FOXP2: variants seen among roughly 807,000 people sequenced by gnomAD.
FOXP2 encodes forkhead box protein P2.
In FOXP2, 12 loss-of-function variants were observed where a neutral mutation model predicts 115.8. The ratio of observed to expected loss-of-function variants is 0.10; its 90% CI spans 0.07 to 0.17. The LOEUF (loss-of-function observed/expected upper bound fraction) is 0.17. FOXP2 is among the 10% of genes least tolerant of loss of function. The pLI is 1.00. For synonymous variants in FOXP2, 328 were observed against 297.7 expected (o/e 1.10, Z -1.05); for missense variants, 629 against 843.5 (o/e 0.75, Z 3.15).
At chr7:114,299,173 T>G (rs1026721170) in intron 2 of FOXP2, among the ~76,000 whole-genome samples, 6 of 152,120 alleles carry the variant, frequency 3.9e-5, no homozygotes, top group Non-Finnish European at 8.8e-5. Context: ...CTATACAATA[T>G]ATCATTCAAG....
chr7:114,373,968 T>C (rs1456141201), intron 2 of FOXP2, among the ~76,000 whole-genome samples: 1 of 152,224 alleles, frequency 6.6e-6, no homozygotes, highest in Non-Finnish European at 1.5e-5. Flanking sequence ...TGTTATCTCC[T>C]CTGATCTTCC....
intron 2 of FOXP2, among the ~76,000 whole-genome samples, chr7:114,397,973 G>GC (rs1402644641): frequency 6.6e-6 from 1 of 152,052 alleles, no homozygotes; most frequent in African/African-American, 2.4e-5. Flanking sequence ...GAGAGAAATC[G>GC]AAGATTAAGT....
chr7:114,229,188 A>G (rs893530950), intron 1 of FOXP2, among the ~76,000 whole-genome samples: 2 of 151,046 alleles, frequency 1.3e-5, no homozygotes, highest in African/African-American at 2.4e-5. Flanking sequence ...TAAATTCATC[A>G]TGAAGATATA....
intron 9 of FOXP2, 150 bp downstream of exon 9, chr7:114,652,440 C>A: frequency 1.4e-6 from 1 of 723,544 alleles, no homozygotes; most frequent in Non-Finnish European, 2.4e-6. Context: ...TTGTTTTAAA[C>A]AGTGGCAATT....
rs1361678262 is a variant in FOXP2 at position 114,661,027 on chromosome 7, A to C, written c.1648-1038A>C. 2.7e-5 allele frequency among the ~76,000 whole-genome samples: 4 copies of C among 149,890 alleles called. No homozygotes were observed. In the East Asian group the frequency reaches 7.9e-4, roughly 29 times the overall value. The stretch of plus-strand genomic sequence containing the variant: ...AAGATCAATCAAATCCTTGGATTTC[A>C]GGTCAGATGCTAGATCTGCTTATGC... On this transcript the variant is annotated intron_variant, in intron 13 of 16. Coordinates refer to ENST00000350908, the MANE Select transcript of FOXP2 (RefSeq NM_014491.4).
chr7:114,497,155 A>C (rs1797357633), intron 2 of FOXP2, among the ~76,000 whole-genome samples: 1 of 152,236 alleles, frequency 6.6e-6, no homozygotes, highest in Non-Finnish European at 1.5e-5. Flanking sequence ...AATCTAGACT[A>C]CTGACACACT....
chr7:114,221,845 A>G (rs533134164), intron 1 of FOXP2, among the ~76,000 whole-genome samples: 1 of 152,228 alleles, frequency 6.6e-6, no homozygotes, highest in African/African-American at 2.4e-5. Flanking sequence ...TCTAGCCACA[A>G]ACTTAGATAA....
intron 1 of FOXP2, among the ~76,000 whole-genome samples, chr7:114,229,884 T>A (rs1196889826): frequency 1.3e-5 from 2 of 149,198 alleles, no homozygotes; most frequent in African/African-American, 2.5e-5. Context: ...AGGAAGGAAA[T>A]CATGAAGGTT....
intron 3 of FOXP2, among the ~76,000 whole-genome samples, chr7:114,575,491 T>C (rs190742281): frequency 6.6e-5 from 10 of 151,888 alleles, no homozygotes; most frequent in Admixed American, 2.6e-4. Flanking sequence ...AGTCTTTATA[T>C]TAATCGATTT....
At chr7:114,594,459 C>T (rs1802596378) in intron 3 of FOXP2, among the ~76,000 whole-genome samples, 2 of 152,038 alleles carry the variant, frequency 1.3e-5, no homozygotes, top group Admixed American at 6.6e-5. Context: ...AGAGAGCCGA[C>T]TGATTATATT....
intron 6 of FOXP2, 133 bp downstream of exon 6, chr7:114,631,838 C>A: frequency 1.1e-6 from 1 of 873,640 alleles, no homozygotes. Context: ...TGATTGTTAA[C>A]ATGGTGGCAT....
chr7:114,557,903 G>A (rs565592438), intron 3 of FOXP2, among the ~76,000 whole-genome samples: 1 of 151,852 alleles, frequency 6.6e-6, no homozygotes, highest in South Asian at 2.1e-4. Context: ...TCTGCCTCCC[G>A]GGTTCAAGCA....
In FOXP2 at chr7:114,121,725, C is replaced by G. The variant is rs78289062; in HGVS notation, c.-247+33887C>G. 1.9e-3 allele frequency among the ~76,000 whole-genome samples: 284 copies of G among 152,092 alleles called. 4 individuals are homozygous for G. The highest frequency in any genetic ancestry group is 6.2e-3 in the African/African-American group (256 of 41,500). On this transcript the variant is annotated intron_variant, in intron 1 of 19. Coordinates refer to the FOXP2 transcript ENST00000635638. ...GTCATAAGAAAAATGGGATTAAGGA[C>G]CTGAGTTGTTTAGTTAAGGAGATAT... is the stretch of plus-strand genomic sequence containing the variant.
chr7:114,663,305 A>G lies in FOXP2; in HGVS notation c.1770-145A>G, dbSNP rs371196777. 26 of 625,004 alleles carry G rather than the reference A, an allele frequency of 4.2e-5. No individual in the cohort carries two copies. In the African/African-American group the frequency reaches 4.4e-4, roughly 11 times the overall value. The allele number at this position is 625,004 out of a possible 1,614,324, so 38.7% of individuals were successfully genotyped here. ...GTAAAGGGTTATATATTTGAACTCT[A>G]TTACCTTATTTTTGTGGCCTTATAT... On this transcript the variant is annotated intron_variant, in intron 14 of 16. Coordinates refer to ENST00000350908, the MANE Select transcript of FOXP2 (RefSeq NM_014491.4).
At chr7:114,148,803 A>G (rs1792454205) in intron 1 of FOXP2, among the ~76,000 whole-genome samples, 1 of 152,136 alleles carries the variant, frequency 6.6e-6, no homozygotes, top group African/African-American at 2.4e-5. Context: ...TGAAATGGAC[A>G]CTAATTTATA....
At chr7:114,608,029 A>T (rs1240152179) in intron 3 of FOXP2, among the ~76,000 whole-genome samples, 1 of 152,214 alleles carries the variant, frequency 6.6e-6, no homozygotes, top group Non-Finnish European at 1.5e-5. Context: ...TTAGTATTAC[A>T]GTTGTTAACC....
At chr7:114,117,481 C>T (rs1791441719) in intron 1 of FOXP2, among the ~76,000 whole-genome samples, 1 of 152,130 alleles carries the variant, frequency 6.6e-6, no homozygotes, top group African/African-American at 2.4e-5. Context: ...CTTTGCCTCT[C>T]AAAGTGCTGG....
At chr7:114,203,082 C>T (rs1223767783) in intron 1 of FOXP2, among the ~76,000 whole-genome samples, 1 of 152,212 alleles carries the variant, frequency 6.6e-6, no homozygotes, top group Non-Finnish European at 1.5e-5. Flanking sequence ...TGCATCAGTA[C>T]TCATCCAGAT....
At chr7:114,350,534 A>G (rs1481166596) in intron 2 of FOXP2, among the ~76,000 whole-genome samples, 3 of 152,166 alleles carry the variant, frequency 2.0e-5, no homozygotes, top group African/African-American at 7.2e-5. Context: ...CATCACTTAC[A>G]ATGAAACTAG....
Sources: allele counts gnomAD v4.1 joint callset (sites outside exome capture counted in the v4.1 genomes callset), GRCh38; gene constraint gnomAD v4.1.1; transcripts MANE v1.5; gene names NCBI Gene and HGNC (gene_info 2026-07-23, HGNC 2026-07-21).